The following SANBR variants were observed in gnomAD, a reference collection of about 807,000 sequenced individuals.
SANBR encodes the protein SANT and BTB domain regulator of class switch recombination.
SANBR carries 77 observed loss-of-function variants against 101.8 expected under a neutral mutation model. That is an observed-to-expected ratio of 0.76 (90% confidence interval 0.63 to 0.91). SANBR has a LOEUF of 0.91. Among genes scored for constraint, SANBR ranks in the 40% least tolerant of loss-of-function variants. The probability of loss-of-function intolerance (pLI) is 0.00; values close to 1 mark genes in which losing one functional copy is unlikely to be tolerated. For synonymous variants in SANBR, 279 were observed against 274.7 expected, an observed-to-expected ratio of 1.02 and a Z score of -0.15; for missense variants, 875 against 853.0, an observed-to-expected ratio of 1.03 and a Z score of -0.32.
At chr2:61,083,547 C>A (rs530897394) in intron 8 of SANBR, among the ~76,000 whole-genome samples, 3 of 148,224 alleles carry the variant, frequency 2.0e-5, no homozygotes, top group East Asian at 2.0e-4. Context: ...CAGGAATGCA[C>A]CACCATGCCC....
intron 13 of SANBR, 147 bp downstream of exon 13, chr2:61,104,145 A>G: frequency 2.9e-6 from 2 of 696,842 alleles, no homozygotes; most frequent in Non-Finnish European, 2.4e-6. Context: ...GTTAGCTTAC[A>G]GTAAGAGCAG....
In SANBR at chr2:61,076,982, C is replaced by T. The variant is rs369953387; in HGVS notation, c.494C>T (p.Pro165Leu). ...AACTTGAAAGAAGATTTTACTTGCC[C>T]GCGAGATCTTTTGATATCAGAAATG... ...AKNLKEDFTC[P>L]RDLLISEMKY... Residue 165 changes from proline to leucine, a missense_variant, in exon 6 of 22, where the codon CCG becomes CTG. Physicochemically the swap from Pro to Leu is moderately conservative, Grantham distance 98 (BLOSUM62 -3). Coordinates refer to ENST00000402291, the MANE Select transcript of SANBR (RefSeq NM_001129993.3). 22 of 1,613,862 alleles carry T rather than the reference C, an allele frequency of 1.4e-5. No individual in the cohort carries two copies. Among genetic ancestry groups the T allele is most frequent in the Non-Finnish European group, 1.8e-5 (21 of 1,180,008 alleles).
At chr2:61,098,602 A>T (rs1296941227) in intron 12 of SANBR, among the ~76,000 whole-genome samples, 1 of 152,194 alleles carries the variant, frequency 6.6e-6, no homozygotes, top group Non-Finnish European at 1.5e-5. Context: ...GACTGATGGT[A>T]TTACTGTGTT....
At chr2:61,068,456 T>G (rs1214395467) in intron 1 of SANBR, among the ~76,000 whole-genome samples, 2 of 152,240 alleles carry the variant, frequency 1.3e-5, no homozygotes, top group Non-Finnish European at 2.9e-5. Context: ...ATTTATTTTA[T>G]GAGCACCTTT....
chr2:61,091,827 G>T (rs780999776), intron 10 of SANBR, among the ~76,000 whole-genome samples: 17 of 152,022 alleles, frequency 1.1e-4, no homozygotes, highest in Non-Finnish European at 1.9e-4. Context: ...AGCAAATATG[G>T]TTTTGAGGCT....
intron 4 of SANBR, among the ~76,000 whole-genome samples, chr2:61,072,908 T>C (rs1269927876): frequency 1.4e-5 from 2 of 143,478 alleles, no homozygotes; most frequent in African/African-American, 5.2e-5. Flanking sequence ...CTCAGGCTGG[T>C]CTTGAACTCC....
rs1682389117 is a variant in SANBR, at chr2:61,085,690, T to C, written c.890+2376T>C. Among the ~76,000 whole-genome samples, 4 of 151,916 alleles carry C rather than the reference T, an allele frequency of 2.6e-5. No individual in the cohort carries two copies. In the South Asian group the frequency reaches 6.2e-4, roughly 24 times the overall value. ...CACACCCAGCCAATTTTTATATTTT[T>C]AGTAGAGACGGGGTTTCACCATGCT... On this transcript the variant is annotated intron_variant, in intron 8 of 21. Transcript: ENST00000402291.
At chr2:61,107,075 G>A (rs926682236) in intron 14 of SANBR, among the ~76,000 whole-genome samples, 1 of 151,908 alleles carries the variant, frequency 6.6e-6, no homozygotes, top group Non-Finnish European at 1.5e-5. Context: ...GGCTGAGGTG[G>A]GAAGATTGCT....
At chr2:61,122,015 A>C (rs1317111293) in intron 21 of SANBR, 111 bp from the exon 22 acceptor site, 6 of 1,404,738 alleles carry the variant, frequency 4.3e-6, no homozygotes, top group Non-Finnish European at 5.7e-6. Flanking sequence ...ACGGAGCTGC[A>C]AGAAGATTTA....
intron 10 of SANBR, 171 bp downstream of exon 10, chr2:61,088,639 G>T: frequency 2.5e-6 from 1 of 404,512 alleles, no homozygotes; most frequent in Non-Finnish European, 4.2e-6. Context: ...TCCTGCCTCA[G>T]CTTCCTGAGA....
intron 7 of SANBR, 36 bp downstream of exon 7, chr2:61,081,546 G>T (rs764773406): frequency 6.7e-7 from 1 of 1,484,776 alleles, no homozygotes; most frequent in Non-Finnish European, 8.9e-7. Flanking sequence ...AAGTGCTTCT[G>T]TTCACTTATG....
At chr2:61,094,747 G>A (rs538340434) in intron 11 of SANBR, among the ~76,000 whole-genome samples, 37 of 148,774 alleles carry the variant, frequency 2.5e-4, no homozygotes, top group African/African-American at 7.4e-4. Context: ...AGGTTCAAGC[G>A]ATTCTCCTGT....
Position 61,083,440 on chromosome 2 carries a change from A to T in SANBR, c.890+126A>T, listed in dbSNP as rs182034643. On this transcript the variant is annotated intron_variant, in intron 8 of 21. Coordinates refer to ENST00000402291, the MANE Select transcript of SANBR (RefSeq NM_001129993.3). ...GAGAAAGGTTCTCACTCTGTTGTTC[A>T]GGCTGGAGTGCAGTGGTGCAATCTT... is the stretch of plus-strand genomic sequence containing the variant. 143 of 684,998 alleles carry T rather than the reference A, an allele frequency of 2.1e-4. No homozygotes were observed. In the East Asian group the frequency reaches 4.1e-3, roughly 20 times the overall value. 42.4% of individuals were successfully genotyped at this position (684,998 alleles called of 1,614,324 possible). A position where few individuals can be genotyped will look rare whatever the true frequency, so the allele number is the denominator to read the frequency against.
At position 61,082,722 on chromosome 2, in the gene SANBR, G is replaced by A. The variant is rs938356221; in HGVS notation, c.730-432G>A. Among the ~76,000 whole-genome samples, 6 of 152,276 alleles carry A rather than the reference G, an allele frequency of 3.9e-5. No homozygotes were observed. In the South Asian group the frequency reaches 1.0e-3, roughly 26 times the overall value. ...TAGGCCCAGCTACTAGGGATGCTGA[G>A]GCAGGAGAATCGCTTGAACCCAGGA... On this transcript the variant is annotated intron_variant, in intron 7 of 21. Transcript: ENST00000402291.
At chr2:61,090,812 G>A (rs1393322614) in intron 10 of SANBR, 1 of 152,964 alleles carries the variant, frequency 6.5e-6, no homozygotes, top group Non-Finnish European at 1.5e-5. Flanking sequence ...CAGGCCTCAA[G>A]CGATCTTCCC....
chr2:61,071,125 T>A (rs2104842790), intron 3 of SANBR, among the ~76,000 whole-genome samples: 1 of 152,328 alleles, frequency 6.6e-6, no homozygotes, highest in East Asian at 1.9e-4. Context: ...AGTTAGAGGC[T>A]TTTGCATAGT....
rs1158712188 is a variant in SANBR, at chr2:61,070,417, A to G, written c.67A>G (p.Ile23Val). 2 of 1,602,064 alleles carry G rather than the reference A, an allele frequency of 1.2e-6. No homozygotes were observed. Among genetic ancestry groups the G allele is most frequent in the Non-Finnish European group, 1.7e-6 (2 of 1,174,900 alleles). Reference protein sequence around the residue: ...NNNNQMVLDMILYPLIGIPQT... With the variant: ...NNNNQMVLDMVLYPLIGIPQT... ...TAATAACCAAATGGTATTGGACATG[A>G]TCCTTTATCCATTAATTGGAATCCC... is the stretch of plus-strand genomic sequence containing the variant. The change falls in exon 3 of 22, where the codon ATC becomes GTC. Residue 23 changes from isoleucine (I) to valine (V), a missense_variant. Coordinates refer to ENST00000402291, the MANE Select transcript of SANBR (RefSeq NM_001129993.3).
At chr2:61,129,451 A>C (rs927103473) in intron 20 of SANBR, among the ~76,000 whole-genome samples, 1 of 151,986 alleles carries the variant, frequency 6.6e-6, no homozygotes, top group Admixed American at 6.6e-5. Context: ...TCTCAAAAAA[A>C]AAAACAAGAA....
At chr2:61,070,601 T>C in intron 3 of SANBR, 101 bp downstream of exon 3, 2 of 1,019,776 alleles carry the variant, frequency 2.0e-6, no homozygotes, top group Non-Finnish European at 2.9e-6. Context: ...GTTTTACATA[T>C]TCAAATGCAT....
Sources: allele counts gnomAD v4.1 joint callset (sites outside exome capture counted in the v4.1 genomes callset), GRCh38; gene constraint gnomAD v4.1.1; transcripts MANE v1.5; gene names NCBI Gene and HGNC (gene_info 2026-07-23, HGNC 2026-07-21).